OXCT1: variants seen among roughly 807,000 people sequenced by gnomAD.
The protein encoded by OXCT1 is 3-oxoacid CoA-transferase 1, also known as succinyl-CoA:3-ketoacid coenzyme A transferase 1, mitochondrial.
OXCT1 carries 27 observed loss-of-function variants against 69.6 expected under a neutral mutation model. The observed-to-expected ratio is 0.39, with a 90% CI of 0.29 to 0.54. The LOEUF (loss-of-function observed/expected upper bound fraction) is 0.54. OXCT1 is among the 20% of genes least tolerant of loss of function. The pLI, the probability that OXCT1 is intolerant of heterozygous loss-of-function variation, is 0.72. For synonymous variants in OXCT1, 202 were observed against 217.8 expected, an observed-to-expected ratio of 0.93 and a Z score of 0.64; for missense variants, 437 against 650.2, an observed-to-expected ratio of 0.67 and a Z score of 3.57.
At chr5:41,734,217 C>T (rs1325320186) in intron 16 of OXCT1, among the ~76,000 whole-genome samples, 1 of 152,076 alleles carries the variant, frequency 6.6e-6, no homozygotes, top group Non-Finnish European at 1.5e-5. Flanking sequence ...TTTTACAGCT[C>T]AATATGGAAC....
At chr5:41,764,084 CAA>C (rs1957113869) in intron 13 of OXCT1, among the ~76,000 whole-genome samples, 1 of 152,146 alleles carries the variant, frequency 6.6e-6, no homozygotes, top group Non-Finnish European at 1.5e-5. Flanking sequence ...AGCCTTCACT[CAA>C]AGAGATTCAG....
intron 13 of OXCT1, among the ~76,000 whole-genome samples, chr5:41,791,137 A>T (rs1452651082): frequency 6.6e-6 from 1 of 152,204 alleles, no homozygotes; most frequent in Non-Finnish European, 1.5e-5. Context: ...CATGGACTTG[A>T]TTCTGAAGCT....
chr5:41,804,272 T>C (rs1746563646), intron 9 of OXCT1, among the ~76,000 whole-genome samples: 1 of 152,094 alleles, frequency 6.6e-6, no homozygotes, highest in Non-Finnish European at 1.5e-5. Context: ...CAGGTGTTTT[T>C]AGGACAGAGC....
chr5:41,768,136 G>A (rs2112127047), intron 13 of OXCT1, among the ~76,000 whole-genome samples: 1 of 152,154 alleles, frequency 6.6e-6, no homozygotes, highest in African/African-American at 2.4e-5. Context: ...TCCCAAAATT[G>A]TTCCTTTATT....
chr5:41,798,743 T>G (rs2112247280), intron 11 of OXCT1, among the ~76,000 whole-genome samples: 1 of 152,262 alleles, frequency 6.6e-6, no homozygotes, highest in Admixed American at 6.5e-5. Flanking sequence ...GACTTAGAAA[T>G]TTCACAACTG....
chr5:41,788,827 T>C (rs960399411), intron 13 of OXCT1, among the ~76,000 whole-genome samples: 10 of 152,172 alleles, frequency 6.6e-5, no homozygotes, highest in Non-Finnish European at 1.5e-4. Flanking sequence ...GAGCAGAATA[T>C]ATATTCAAGT....
At chr5:41,747,055 TAC>T (rs1290872638) in intron 15 of OXCT1, among the ~76,000 whole-genome samples, 4 of 152,262 alleles carry the variant, frequency 2.6e-5, no homozygotes, top group South Asian at 2.1e-4. Flanking sequence ...CATAAAAGCT[TAC>T]AGTGTTTTTT....
intron 7 of OXCT1, among the ~76,000 whole-genome samples, chr5:41,834,486 A>G (rs1473107732): frequency 6.9e-5 from 8 of 115,994 alleles, no homozygotes; most frequent in African/African-American, 3.1e-4. Flanking sequence ...ATGGAAACCC[A>G]CAAAAAAAAA....
At chr5:41,737,238 G>A (rs909408349) in intron 16 of OXCT1, among the ~76,000 whole-genome samples, 2 of 152,124 alleles carry the variant, frequency 1.3e-5, no homozygotes, top group African/African-American at 2.4e-5. Flanking sequence ...CTAATTTGGA[G>A]AAAACAAGAT....
At chr5:41,756,303 C>T (rs1393481374) in intron 14 of OXCT1, among the ~76,000 whole-genome samples, 1 of 151,998 alleles carries the variant, frequency 6.6e-6, no homozygotes, top group African/African-American at 2.4e-5. Context: ...ACACGTTTCC[C>T]GTACATGATA....
At chr5:41,823,500 C>T (rs766439679) in intron 7 of OXCT1, among the ~76,000 whole-genome samples, 27 of 152,216 alleles carry the variant, frequency 1.8e-4, no homozygotes, top group Non-Finnish European at 2.8e-4. Flanking sequence ...GAGATTTCTG[C>T]TACTAGGCTT....
intron 13 of OXCT1, among the ~76,000 whole-genome samples, chr5:41,791,694 A>T (rs754439005): frequency 3.3e-5 from 5 of 152,254 alleles, no homozygotes; most frequent in Admixed American, 6.5e-5. Context: ...TTCAAAAATC[A>T]TTAGTCTAGA....
At chr5:41,867,022 C>A (rs779696848) in intron 1 of OXCT1, among the ~76,000 whole-genome samples, 1 of 152,198 alleles carries the variant, frequency 6.6e-6, no homozygotes, top group Non-Finnish European at 1.5e-5. Context: ...GAGAAGCAGA[C>A]TGAGGCAGTT....
intron 7 of OXCT1, among the ~76,000 whole-genome samples, chr5:41,838,649 G>A (rs1213600445): frequency 8.8e-5 from 13 of 148,258 alleles, no homozygotes; most frequent in Non-Finnish European, 1.9e-4. Flanking sequence ...TTTTGAGACA[G>A]GGTCTCACTG....
chr5:41,765,100 A>C (rs1408082321), intron 13 of OXCT1, among the ~76,000 whole-genome samples: 1 of 152,194 alleles, frequency 6.6e-6, no homozygotes, highest in African/African-American at 2.4e-5. Context: ...GGGTTATACA[A>C]GGCATACTCC....
intron 15 of OXCT1, among the ~76,000 whole-genome samples, chr5:41,740,043 G>A (rs1482042342): frequency 6.6e-6 from 1 of 152,140 alleles, no homozygotes; most frequent in East Asian, 1.9e-4. Flanking sequence ...ACCATGGATG[G>A]CATTTGTTAC....
intron 14 of OXCT1, among the ~76,000 whole-genome samples, chr5:41,759,011 G>T (rs1744217573): frequency 6.7e-6 from 1 of 149,580 alleles, no homozygotes; most frequent in East Asian, 2.0e-4. Context: ...GATATAATTA[G>T]ATTTTTGGAT....
intron 7 of OXCT1, among the ~76,000 whole-genome samples, chr5:41,812,988 T>C (rs1747060799): frequency 6.6e-6 from 1 of 152,048 alleles, no homozygotes; most frequent in Non-Finnish European, 1.5e-5. Flanking sequence ...ATTATATACA[T>C]GGTCTAGATG....
chr5:41,800,031 G>A (rs1746354327), intron 11 of OXCT1, among the ~76,000 whole-genome samples: 1 of 152,100 alleles, frequency 6.6e-6, no homozygotes, highest in Non-Finnish European at 1.5e-5. Context: ...AGCTTCTTAT[G>A]GGCAGCTGCA....
Sources: gnomAD v4.1 joint callset for allele counts (sites outside exome capture counted in the v4.1 genomes callset) on GRCh38, gnomAD v4.1.1 for gene constraint, MANE v1.5 for transcripts, NCBI Gene and HGNC (gene_info 2026-07-23, HGNC 2026-07-21) for gene names.